ABCB5: variants seen among roughly 807,000 people sequenced by gnomAD.
The protein encoded by ABCB5 is ATP-binding cassette sub-family B member 5.
ABCB5 carries 155 observed loss-of-function variants against 144.2 expected under a neutral mutation model. The observed-to-expected ratio is 1.08, with a 90% CI of 0.94 to 1.23. The LOEUF is 1.23. Ranked by LOEUF, ABCB5 falls within the 50% of genes most tolerant of loss-of-function variation. ABCB5 has a pLI of 0.00. For missense variants in ABCB5, 1,830 were observed against 1,520.8 expected (o/e 1.20, Z -3.38); for synonymous variants, 610 against 528.6 (o/e 1.15, Z -2.11).
chr7:20,635,287 G>A (rs943727600), intron 5 of ABCB5, among the ~76,000 whole-genome samples: 1 of 151,564 alleles, frequency 6.6e-6, no homozygotes, highest in Non-Finnish European at 1.5e-5. Context: ...CCAGTACCAT[G>A]ATATTTTCGT....
At chr7:20,630,319 C>G (rs6947743) in intron 4 of ABCB5, among the ~76,000 whole-genome samples, 4,483 of 151,936 alleles carry the variant, frequency 0.03, 230 homozygotes, top group African/African-American at 0.1. Flanking sequence ...TCCCTCTGTG[C>G]TCTATTTGAC....
In ABCB5 at chr7:20,648,053, A is replaced by G. The variant is rs1317409925; in HGVS notation, c.1181A>G (p.Asn394Ser). 1.9e-6 allele frequency: 3 copies of G among 1,604,892 alleles called. No homozygotes were observed. Among genetic ancestry groups the G allele is most frequent in the South Asian group, 1.1e-5 (1 of 90,694 alleles). ...GTGGAATTTAAAAATGTTTCTTTCA[A>G]TTATCCATCAAGACCATCTATCAAG... Reference protein sequence around the residue: ...GTVEFKNVSFNYPSRPSIKIL... With the variant: ...GTVEFKNVSFSYPSRPSIKIL... Residue 394 changes from asparagine to serine, a missense_variant, in exon 11 of 28, where the codon AAT becomes AGT. By Grantham distance (46) the Asn-to-Ser change is conservative (BLOSUM62 1). Coordinates refer to ENST00000404938, the MANE Select transcript of ABCB5 (RefSeq NM_001163941.2).
chr7:20,732,306 T>A (rs115858114), intron 23 of ABCB5, among the ~76,000 whole-genome samples: 1,799 of 152,258 alleles, frequency 0.012, 49 homozygotes, highest in African/African-American at 0.041. Context: ...TCCAAAGTAG[T>A]TCCCCTAACC....
chr7:20,715,639 G>A (rs1416698675), intron 20 of ABCB5, among the ~76,000 whole-genome samples: 3 of 151,694 alleles, frequency 2.0e-5, no homozygotes, highest in Admixed American at 2.0e-4. Flanking sequence ...TGAACTCCTG[G>A]GCTCAAGTGA....
rs532731925 is a variant in ABCB5, at chr7:20,685,425, T to G, written c.1870-271T>G. 9.9e-4 allele frequency among the ~76,000 whole-genome samples: 151 copies of G among 152,346 alleles called. 1 individual carries two copies. The highest frequency in any genetic ancestry group is 3.5e-3 in the African/African-American group (147 of 41,580). On this transcript the variant is annotated intron_variant, in intron 15 of 27. Coordinates refer to ENST00000404938, the MANE Select transcript of ABCB5 (RefSeq NM_001163941.2). ...CTAAGATCTCTCCTTGTTAGTGATA[T>G]AATTGCTTGGATTAAGGCATTGTTT...
intron 19 of ABCB5, among the ~76,000 whole-genome samples, chr7:20,703,135 T>C (rs974957126): frequency 1.3e-5 from 2 of 152,200 alleles, no homozygotes; most frequent in African/African-American, 4.8e-5. Context: ...AATAAATTCT[T>C]TTCATATTTT....
intron 13 of ABCB5, among the ~76,000 whole-genome samples, chr7:20,657,550 A>C (rs1304472201): frequency 3.3e-5 from 5 of 152,248 alleles, no homozygotes; most frequent in Non-Finnish European, 5.9e-5. Flanking sequence ...ATTTACATAA[A>C]GTTCTAGATC....
intron 23 of ABCB5, among the ~76,000 whole-genome samples, chr7:20,735,478 C>T (rs1366026292): frequency 6.6e-6 from 1 of 152,176 alleles, no homozygotes; most frequent in African/African-American, 2.4e-5. Context: ...AGGAAAGCAA[C>T]ACTGGTTACA....
rs1785389759 is a variant in ABCB5 at position 20,669,560 on chromosome 7, AATCTC to A, written c.1707+10886_1707+10890del. On this transcript the variant is annotated intron_variant, in intron 14 of 27. Coordinates refer to ENST00000404938, the MANE Select transcript of ABCB5 (RefSeq NM_001163941.2). Reference sequence around the variant, plus strand: ...TCGTTAAGAGTCATCACCACTCCCTAATCTCAAGTACCCAGGGACACAAACACTGC... The same window carrying A: ...TCGTTAAGAGTCATCACCACTCCCTAAAGTACCCAGGGACACAAACACTGC... Among the ~76,000 whole-genome samples the A allele has an allele frequency of 7.9e-5, 3 of 38,172 alleles. No homozygotes were observed. In the Admixed American group the frequency reaches 9.7e-4, roughly 12 times the overall value. 25.0% of individuals were successfully genotyped at this position (38,172 alleles called of 152,430 possible).
chr7:20,653,444 A>T (rs1021705962), intron 13 of ABCB5, among the ~76,000 whole-genome samples: 14 of 152,240 alleles, frequency 9.2e-5, no homozygotes, highest in African/African-American at 3.4e-4. Context: ...CCCTTATAAT[A>T]TACACAGATT....
At chr7:20,721,294 G>A (rs1276733557) in intron 20 of ABCB5, among the ~76,000 whole-genome samples, 1 of 152,120 alleles carries the variant, frequency 6.6e-6, no homozygotes, top group East Asian at 1.9e-4. Flanking sequence ...ATGGCTGTGG[G>A]CAGGTTATTT....
intron 14 of ABCB5, among the ~76,000 whole-genome samples, chr7:20,676,279 C>T (rs550830048): frequency 6.7e-6 from 1 of 150,026 alleles, no homozygotes; most frequent in East Asian, 1.9e-4. Flanking sequence ...GTCAGTATCT[C>T]GAAGAGGTAT....
chr7:20,723,151 A>T lies in ABCB5; in HGVS notation c.2557A>T (p.Met853Leu). 1 of 1,614,174 alleles carries T rather than the reference A, an allele frequency of 6.2e-7. No homozygotes were observed. The highest frequency in any genetic ancestry group is 8.5e-7 in the Non-Finnish European group (1 of 1,180,036). Residue 853 changes from methionine to leucine, a missense_variant, in exon 21 of 28, where the codon ATG (methionine) becomes TTG (leucine). Physicochemically the swap from Met to Leu is conservative, Grantham distance 15. Coordinates refer to ENST00000404938, the MANE Select transcript of ABCB5 (RefSeq NM_001163941.2). Reference sequence around the variant, plus strand: ...TGCTCCAGTACTTGCCGTGACAGGAATGATTGAAACCGCAGCAATGACTGG... The same window carrying T: ...TGCTCCAGTACTTGCCGTGACAGGATTGATTGAAACCGCAGCAATGACTGG... ...SIAPVLAVTG[M>L]IETAAMTGFA...
chr7:20,633,844 A>G (rs1784092185), intron 5 of ABCB5, among the ~76,000 whole-genome samples: 1 of 151,942 alleles, frequency 6.6e-6, no homozygotes, highest in African/African-American at 2.4e-5. Context: ...CCTGTCCAAT[A>G]TTTTAGCCAT....
At chr7:20,649,888 A>T (rs1323474779) in intron 11 of ABCB5, 134 bp from the exon 12 acceptor site, 14 of 974,720 alleles carry the variant, frequency 1.4e-5, no homozygotes, top group Non-Finnish European at 2.1e-5. Flanking sequence ...ATGTACATGA[A>T]ACAAACATAA....
chr7:20,754,217 T>A lies in ABCB5; in HGVS notation c.3576+711T>A, dbSNP rs985587871. ...ACAGATTGGCACACTAAGGCTTAGA[T>A]TAAGTAACTTCTCTAAATTCTAATG... On this transcript the variant is annotated intron_variant, in intron 27 of 27. Transcript: ENST00000404938. Among the ~76,000 whole-genome samples, 3 of 152,228 alleles carry A rather than the reference T, an allele frequency of 2.0e-5. No homozygotes were observed. In the East Asian group the frequency reaches 5.8e-4, roughly 29 times the overall value.
intron 13 of ABCB5, among the ~76,000 whole-genome samples, chr7:20,654,675 G>C (rs959729248): frequency 6.6e-6 from 1 of 152,002 alleles, no homozygotes. Flanking sequence ...CATAATATAA[G>C]TAAACTACAC....
chr7:20,667,870 C>T (rs1485099020), intron 14 of ABCB5, among the ~76,000 whole-genome samples: 1 of 150,020 alleles, frequency 6.7e-6, no homozygotes, highest in Admixed American at 6.6e-5. Flanking sequence ...TGCAGGCGCA[C>T]GCCGCCACGC....
At chr7:20,749,789 T>A (rs1205317327) in intron 26 of ABCB5, among the ~76,000 whole-genome samples, 1 of 152,070 alleles carries the variant, frequency 6.6e-6, no homozygotes, top group African/African-American at 2.4e-5. Flanking sequence ...CTTTGGAGAA[T>A]TAAGAGGTGA....
Sources: gnomAD v4.1 joint callset for allele counts (sites outside exome capture counted in the v4.1 genomes callset) on GRCh38, gnomAD v4.1.1 for gene constraint, MANE v1.5 for transcripts, NCBI Gene and HGNC (gene_info 2026-07-23, HGNC 2026-07-21) for gene names.